The following MAST4 variants were observed in gnomAD, a reference collection of about 807,000 sequenced individuals.
MAST4 encodes the protein microtubule associated serine/threonine kinase family member 4, also known as microtubule-associated serine/threonine-protein kinase 4.
In MAST4, 89 loss-of-function variants were observed where a neutral mutation model predicts 162.7. The observed-to-expected ratio is 0.55, with a 90% CI of 0.46 to 0.65. MAST4 has a LOEUF of 0.65. Among genes scored for constraint, MAST4 ranks in the 30% least tolerant of loss-of-function variants. The probability of loss-of-function intolerance (pLI) is 0.00; values close to 1 mark genes in which losing one functional copy is unlikely to be tolerated. For missense variants in MAST4, 3,153 were observed against 3,374.0 expected (o/e 0.93, Z 1.62); for synonymous variants, 1,479 against 1,361.1 (o/e 1.09, Z -1.91).
intron 3 of MAST4, among the ~76,000 whole-genome samples, chr5:66,889,894 G>A (rs1314633000): frequency 2.0e-5 from 3 of 152,140 alleles, no homozygotes; most frequent in Non-Finnish European, 4.4e-5. Flanking sequence ...ATGCTTCCTG[G>A]CATTGGCTTG....
chr5:66,761,461 C>T (rs766341748), intron 2 of MAST4, among the ~76,000 whole-genome samples: 16 of 152,096 alleles, frequency 1.1e-4, no homozygotes, highest in African/African-American at 1.9e-4. Context: ...AATATTTTCA[C>T]GGAACTTTGT....
intron 3 of MAST4, among the ~76,000 whole-genome samples, chr5:66,831,866 G>A (rs925927036): frequency 3.3e-5 from 5 of 152,158 alleles, no homozygotes; most frequent in Admixed American, 6.5e-5. Flanking sequence ...TGTACTTTGG[G>A]CAATTTGAAT....
chr5:66,808,346 C>T (rs7736147), intron 3 of MAST4, among the ~76,000 whole-genome samples: 1 of 152,024 alleles, frequency 6.6e-6, no homozygotes, highest in Non-Finnish European at 1.5e-5. Flanking sequence ...TGGGCAGCCC[C>T]TCTGGCTTGC....
chr5:67,067,382 T>G (rs757183879), intron 5 of MAST4, among the ~76,000 whole-genome samples: 5 of 152,156 alleles, frequency 3.3e-5, no homozygotes, highest in Non-Finnish European at 2.9e-5. Context: ...CCTCATATGA[T>G]TGTTTAAATG....
At chr5:67,018,938 C>T (rs1753646778) in intron 4 of MAST4, among the ~76,000 whole-genome samples, 1 of 152,084 alleles carries the variant, frequency 6.6e-6, no homozygotes, top group East Asian at 1.9e-4. Context: ...TTTAAAAAAT[C>T]ACCCCAAATC....
At chr5:66,811,201 CTCTCAGCTCTGCTGCT>C (rs1756459182) in intron 3 of MAST4, among the ~76,000 whole-genome samples, 1 of 152,204 alleles carries the variant, frequency 6.6e-6, no homozygotes, top group Non-Finnish European at 1.5e-5. Context: ...GCTCTGCTGC[CTCTCAGCTCTGCTGCT>C]GAGGAATCCT....
chr5:66,986,863 C>T (rs1371905202), intron 4 of MAST4, among the ~76,000 whole-genome samples: 2 of 152,074 alleles, frequency 1.3e-5, no homozygotes, highest in Non-Finnish European at 2.9e-5. Context: ...GCTCCCACCT[C>T]AGCCACCTGA....
chr5:66,860,101 C>G (rs935038808), intron 3 of MAST4, among the ~76,000 whole-genome samples: 1 of 152,196 alleles, frequency 6.6e-6, no homozygotes, highest in Non-Finnish European at 1.5e-5. Flanking sequence ...AGCACAGACC[C>G]TGGCCAAATT....
intron 3 of MAST4, among the ~76,000 whole-genome samples, chr5:66,789,912 A>AT (rs1340105865): frequency 6.9e-6 from 1 of 143,952 alleles, no homozygotes; most frequent in African/African-American, 2.6e-5. Context: ...ATATGTGTGT[A>AT]TTTGTTAGCA....
chr5:66,660,773 A>C (rs923173410), intron 1 of MAST4, among the ~76,000 whole-genome samples: 1 of 152,214 alleles, frequency 6.6e-6, no homozygotes, highest in African/African-American at 2.4e-5. Context: ...ATATACAAAT[A>C]ATTATATTGC....
intron 3 of MAST4, among the ~76,000 whole-genome samples, chr5:66,871,686 G>T (rs1173673454): frequency 6.6e-6 from 1 of 152,158 alleles, no homozygotes; most frequent in Non-Finnish European, 1.5e-5. Flanking sequence ...GTTTTTAAGT[G>T]CTCCAGTCAA....
intron 1 of MAST4, among the ~76,000 whole-genome samples, chr5:66,650,624 A>C (rs187914945): frequency 6.6e-6 from 1 of 152,340 alleles, no homozygotes; most frequent in East Asian, 1.9e-4. Context: ...TGTTTAGCCA[A>C]CTGCCATGTA....
chr5:66,832,886 G>A (rs1222166873), intron 3 of MAST4, among the ~76,000 whole-genome samples: 2 of 152,182 alleles, frequency 1.3e-5, no homozygotes, highest in Non-Finnish European at 2.9e-5. Context: ...TTTGGGACAG[G>A]AAGTATCCAG....
At chr5:66,860,728 C>A (rs374378370) in intron 3 of MAST4, among the ~76,000 whole-genome samples, 16 of 149,816 alleles carry the variant, frequency 1.1e-4, no homozygotes, top group African/African-American at 3.9e-4. Flanking sequence ...CTCAGCACTT[C>A]CCTCCCACCT....
rs6869266 is a variant in MAST4 at position 66,885,621 on chromosome 5, A to G, written c.643-14330A>G. Among the ~76,000 whole-genome samples the G allele has an allele frequency of 7.6e-3, 1,152 of 152,320 alleles. 19 individuals carry two copies. Among genetic ancestry groups the G allele is most frequent in the African/African-American group, 0.026 (1,090 of 41,570 alleles). The stretch of plus-strand genomic sequence containing the variant: ...TCATGCTTGATAAATGGCAATTCCA[A>G]TTGCCCAGGTAATCCATTTTGGCTT... On this transcript the variant is annotated intron_variant, in intron 3 of 28. Coordinates refer to ENST00000403625, the MANE Select transcript of MAST4 (RefSeq NM_001164664.2).
intron 4 of MAST4, among the ~76,000 whole-genome samples, chr5:67,000,430 A>G (rs1751147411): frequency 6.6e-6 from 1 of 152,174 alleles, no homozygotes; most frequent in Admixed American, 6.5e-5. Flanking sequence ...ACATTGTTCT[A>G]CGTGGACTGG....
At chr5:67,134,872 T>C (rs1402618142) in intron 18 of MAST4, among the ~76,000 whole-genome samples, 184 bp downstream of exon 18, 3 of 152,202 alleles carry the variant, frequency 2.0e-5, no homozygotes, top group African/African-American at 7.2e-5. Flanking sequence ...CAATTTTTGT[T>C]GAAAATTGAT....
In MAST4 at chr5:66,896,341, G is replaced by A. The variant is rs73765793; in HGVS notation, c.643-3610G>A. On this transcript the variant is annotated intron_variant, in intron 3 of 28. Coordinates refer to ENST00000403625, the MANE Select transcript of MAST4 (RefSeq NM_001164664.2). Reference sequence around the variant, plus strand: ...CAGAGGATAGCAGCATGACGTTAGCGTGACTTACCACTGATGATGTTAACC... The same window carrying A: ...CAGAGGATAGCAGCATGACGTTAGCATGACTTACCACTGATGATGTTAACC... Among the ~76,000 whole-genome samples, 989 of 152,274 alleles carry A rather than the reference G, an allele frequency of 6.5e-3. 9 individuals carry two copies. The highest frequency in any genetic ancestry group is 0.022 in the African/African-American group (923 of 41,554).
rs1183107839 is a variant in MAST4, at chr5:66,853,281, G to A, written c.643-46670G>A. 2.0e-5 allele frequency among the ~76,000 whole-genome samples: 3 copies of A among 152,232 alleles called. No homozygotes were observed. The East Asian group carries it at 5.8e-4, about 29-fold the overall frequency. ...ACTGGTCTAGTCATAGGTTTAATAG[G>A]TCCCGTGTGTGTGTCTGTGTGTAGG... On this transcript the variant is annotated intron_variant, in intron 3 of 28. Coordinates refer to ENST00000403625, the MANE Select transcript of MAST4 (RefSeq NM_001164664.2).
Sources: allele counts gnomAD v4.1 joint callset (sites outside exome capture counted in the v4.1 genomes callset), GRCh38; gene constraint gnomAD v4.1.1; transcripts MANE v1.5; gene names NCBI Gene and HGNC (gene_info 2026-07-23, HGNC 2026-07-21).